The following YY1AP1 variants were observed in gnomAD, a reference collection of about 807,000 sequenced individuals.
YY1AP1 encodes the protein YY1-associated protein 1.
Under a neutral mutation model 39.9 loss-of-function variants are expected in YY1AP1, and 43 were observed. The ratio of observed to expected loss-of-function variants is 1.08; its 90% CI spans 0.84 to 1.39. The LOEUF (loss-of-function observed/expected upper bound fraction) is 1.39. Ranked by LOEUF, YY1AP1 falls within the 40% of genes most tolerant of loss-of-function variation. The pLI is 0.00. For synonymous variants in YY1AP1, 292 were observed against 331.3 expected (o/e 0.88, Z 1.29); for missense variants, 813 against 900.7 (o/e 0.90, Z 1.25).
chr1:155,660,720 T>G lies in YY1AP1; in HGVS notation c.1190A>C (p.Asp397Ala), dbSNP rs991335284. Residue 397 changes from aspartate (D) to alanine (A), a missense_variant, in exon 11 of 11, where the codon GAC becomes GCC. Asp to Ala is a moderately radical substitution (Grantham distance 126, BLOSUM62 -2). Coordinates refer to ENST00000355499, the MANE Select transcript of YY1AP1 (RefSeq NM_139119.3). ...GVVLKLKPVA[D>A]RFPKKAWRQK... ...TCTCCAAGCCTTCTTGGGGAAACGG[T>G]CGGCAACTGGCTTCAGTTTCAGGAC... 5.6e-6 allele frequency: 9 copies of G among 1,614,064 alleles called. No homozygotes were observed. Among genetic ancestry groups the G allele is most frequent in the Middle Eastern group, 1.6e-4 (1 of 6,084 alleles).
intron 9 of YY1AP1, among the ~76,000 whole-genome samples, chr1:155,662,038 G>C (rs564438397): frequency 6.6e-6 from 1 of 152,260 alleles, no homozygotes; most frequent in South Asian, 2.1e-4. Flanking sequence ...AAAGGAAGCA[G>C]ATGCTAAGAG....
At chr1:155,670,672 T>C in intron 7 of YY1AP1, 1 of 514,886 alleles carries the variant, frequency 1.9e-6, no homozygotes, top group Non-Finnish European at 3.4e-6. Flanking sequence ...CAATAAAAGT[T>C]GACTTTTTTT....
At position 155,660,448 on chromosome 1, in the gene YY1AP1, G is replaced by A; in HGVS notation, c.1462C>T (p.Pro488Ser). ...AGAGGGAAGCTTGTCCTGGCCTCAG[G>A]GGGCATAGCAGGCAGTGCTGCAGGA... Reference protein sequence around the residue: ...ESPAALPAMPPEARTSFPLSE... With the variant: ...ESPAALPAMPSEARTSFPLSE... The change falls in exon 11 of 11, where the codon CCT becomes TCT. Residue 488 changes from proline to serine, a missense_variant. This residue lies in a region of YY1AP1 where 586 missense variants were observed against 647.4 expected (regional missense o/e 0.91). Coordinates refer to ENST00000355499, the MANE Select transcript of YY1AP1 (RefSeq NM_139119.3). 1 of 1,614,114 alleles carries A rather than the reference G, an allele frequency of 6.2e-7. No homozygotes were observed. The highest frequency in any genetic ancestry group is 1.3e-5 in the African/African-American group (1 of 74,982).
rs59337809 is a variant in YY1AP1 at position 155,674,160 on chromosome 1, C to CAA, written c.411+848_411+849dup. Among the ~76,000 whole-genome samples, 525 of 72,830 alleles carry CAA rather than the reference C, an allele frequency of 7.2e-3. 2 individuals are homozygous for CAA. The highest frequency in any genetic ancestry group is 9.1e-3 in the African/African-American group (150 of 16,486). The allele number at this position is 72,830 out of a possible 152,430, so 47.8% of individuals were successfully genotyped here. A position where few individuals can be genotyped will look rare whatever the true frequency, so the allele number is the denominator to read the frequency against. On this transcript the variant is annotated intron_variant, in intron 6 of 10. Transcript: ENST00000355499. Reference sequence around the variant, plus strand: ...TGGGCGACAGAGCGAGACTCCGTCTCAAAAAAAAAAAAAAAAAAAAAAAAA... The same window carrying CAA: ...TGGGCGACAGAGCGAGACTCCGTCTCAAAAAAAAAAAAAAAAAAAAAAAAAAA...
intron 2 of YY1AP1, among the ~76,000 whole-genome samples, chr1:155,683,180 A>G (rs1236400817): frequency 6.6e-6 from 1 of 152,204 alleles, no homozygotes; most frequent in African/African-American, 2.4e-5. Context: ...GTACTAAAAG[A>G]TCCTATATTG....
At position 155,688,670 on chromosome 1, in the gene YY1AP1, C is replaced by T; in HGVS notation, c.-163G>A. The T allele has an allele frequency of 6.5e-7, 1 of 1,532,770 alleles. No homozygotes were observed. The highest frequency in any genetic ancestry group is 8.7e-7 in the Non-Finnish European group (1 of 1,146,028). 94.9% of individuals were successfully genotyped at this position (1,532,770 alleles called of 1,614,324 possible). ...GCCCTCACGCGTACCTTCAGCGGCGCGAGCCCAAGCCTTCTCCACCTCCTC... is the reference window on the plus strand; with the variant it reads ...GCCCTCACGCGTACCTTCAGCGGCGTGAGCCCAAGCCTTCTCCACCTCCTC... On this transcript the variant is annotated 5_prime_UTR_variant, in exon 1 of 11. Transcript: ENST00000355499.
chr1:155,685,784 T>TA (rs1652128747), intron 2 of YY1AP1, among the ~76,000 whole-genome samples: 1 of 152,186 alleles, frequency 6.6e-6, no homozygotes, highest in African/African-American at 2.4e-5. Context: ...TTTAAGTTCC[T>TA]AAAATCATAT....
intron 2 of YY1AP1, among the ~76,000 whole-genome samples, chr1:155,684,833 G>A (rs148917589): frequency 6.6e-5 from 10 of 152,134 alleles, no homozygotes; most frequent in South Asian, 2.1e-4. Flanking sequence ...CAATCCATCC[G>A]CCTCGTCCTC....
At chr1:155,665,275 A>C (rs546591445) in intron 9 of YY1AP1, among the ~76,000 whole-genome samples, 2 of 151,992 alleles carry the variant, frequency 1.3e-5, no homozygotes, top group African/African-American at 4.8e-5. Flanking sequence ...AATTCAGAAA[A>C]AAATTTTTTT....
At chr1:155,675,494 A>G (rs1416694580) in intron 5 of YY1AP1, among the ~76,000 whole-genome samples, 1 of 151,674 alleles carries the variant, frequency 6.6e-6, no homozygotes, top group Admixed American at 6.6e-5. Flanking sequence ...CACCCAGCTA[A>G]TTTTTTGTTT....
chr1:155,663,555 C>A (rs956850016), intron 9 of YY1AP1, among the ~76,000 whole-genome samples: 1 of 151,386 alleles, frequency 6.6e-6, no homozygotes, highest in African/African-American at 2.4e-5. Flanking sequence ...CCCGTCTCTA[C>A]TAAAAATACA....
At chr1:155,673,356 A>G (rs617232) in intron 6 of YY1AP1, among the ~76,000 whole-genome samples, 11,910 of 152,154 alleles carry the variant, frequency 0.078, 1,656 homozygotes, top group African/African-American at 0.27. Context: ...TGGTCTCAGA[A>G]TAATGCCTAC....
Position 155,659,562 on chromosome 1 carries a change from T to G in YY1AP1, c.*95A>C. Reference sequence around the variant, plus strand: ...CCAGTTGCAAAATCTGGGGTTTAAGTACCCTTTAGGGGTTTCCTATTGGTT... The same window carrying G: ...CCAGTTGCAAAATCTGGGGTTTAAGGACCCTTTAGGGGTTTCCTATTGGTT... On this transcript the variant is annotated 3_prime_UTR_variant, in exon 11 of 11. Coordinates refer to ENST00000355499, the MANE Select transcript of YY1AP1 (RefSeq NM_139119.3). 1 of 1,400,884 alleles carries G rather than the reference T, an allele frequency of 7.1e-7. No individual in the cohort carries two copies. Among genetic ancestry groups the G allele is most frequent in the Non-Finnish European group, 9.7e-7 (1 of 1,026,148 alleles). The allele number at this position is 1,400,884 out of a possible 1,614,324, so 86.8% of individuals were successfully genotyped here.
Position 155,660,882 on chromosome 1 carries a change from C to T in YY1AP1, c.1028G>A (p.Arg343Gln), listed in dbSNP as rs150614243. The stretch of plus-strand genomic sequence containing the variant: ...CTCTCTAGCACCATCAGCCATGTGC[C>T]GCAGTTCTTCCTGGATGGATGGCAG... The part of the protein sequence containing the change: ...ASLPSIQEEL[R>Q]HMADGAREVG... Residue 343 changes from arginine to glutamine, a missense_variant, in exon 11 of 11, where the codon CGG (arginine) becomes CAG (glutamine). By Grantham distance (43) the Arg-to-Gln change is conservative. This residue lies in a region of YY1AP1 where 586 missense variants were observed against 647.4 expected (regional missense o/e 0.91). Transcript: ENST00000355499. 2.0e-4 allele frequency: 320 copies of T among 1,614,148 alleles called. 1 individual carries two copies. The East Asian group carries it at 5.9e-3, about 30-fold the overall frequency.
intron 6 of YY1AP1, chr1:155,674,602 A>G (rs1346201007): frequency 5.6e-6 from 1 of 177,132 alleles, no homozygotes; most frequent in Admixed American, 5.8e-5. Context: ...AGAGGTGGGC[A>G]GATCACTTGA....
Position 155,659,657 on chromosome 1 carries a change from T to C in YY1AP1, c.2253A>G (p.Ter751TrpextTer26), listed in dbSNP as rs1647713808. ...GTCTCCAGACTCTTATTCTCCTAGCTCAAAGAAATCCACTGATTTCCTCTG... is the reference window on the plus strand; with the variant it reads ...GTCTCCAGACTCTTATTCTCCTAGCCCAAAGAAATCCACTGATTTCCTCTG... ...DATEEISGFL* is the reference protein window; with the variant it reads ...DATEEISGFLW The change falls in exon 11 of 11, where the codon TGA becomes TGG. Residue 751 changes from the stop codon to tryptophan, a stop_lost. Transcript: ENST00000355499. 6.2e-7 allele frequency: 1 copy of C among 1,613,992 alleles called. No individual in the cohort carries two copies. Among genetic ancestry groups the C allele is most frequent in the Non-Finnish European group, 8.5e-7 (1 of 1,180,024 alleles).
intron 7 of YY1AP1, 180 bp downstream of exon 7, chr1:155,672,380 A>G (rs1372303666): frequency 6.9e-6 from 6 of 874,276 alleles, no homozygotes; most frequent in African/African-American, 5.0e-5. Context: ...GGAGATTATC[A>G]TGTAATTCTA....
chr1:155,675,320 TTTA>T (rs914756814), intron 5 of YY1AP1, among the ~76,000 whole-genome samples: 23 of 150,460 alleles, frequency 1.5e-4, no homozygotes, highest in Middle Eastern at 3.4e-3. Context: ...GCTAATTTAT[TTTA>T]TTATTATTAT....
intron 9 of YY1AP1, among the ~76,000 whole-genome samples, chr1:155,667,379 C>G (rs906990878): frequency 6.6e-6 from 1 of 152,044 alleles, no homozygotes; most frequent in African/African-American, 2.4e-5. Context: ...TGGCATGCAC[C>G]TGTAGTCCAA....
Sources: allele counts gnomAD v4.1 joint callset (sites outside exome capture counted in the v4.1 genomes callset), GRCh38; gene constraint gnomAD v4.1.1; regional missense constraint gnomAD v4.1.1; transcripts MANE v1.5; gene names NCBI Gene and HGNC (gene_info 2026-07-23, HGNC 2026-07-21).